RPH3A: variants seen among roughly 807,000 people sequenced by gnomAD.
RPH3A encodes the protein rabphilin 3A, also known as rabphilin-3A.
A neutral mutation model predicts 102.2 loss-of-function variants in RPH3A; 48 were observed. That is an observed-to-expected ratio of 0.47 (90% confidence interval 0.37 to 0.60). The LOEUF is 0.60. Ranked by LOEUF, RPH3A falls within the 20% of genes least tolerant of loss-of-function variation. The pLI is 0.00. For missense variants in RPH3A, 781 were observed against 910.1 expected (o/e 0.86, Z 1.83); for synonymous variants, 310 against 324.3 (o/e 0.96, Z 0.47).
intron 5 of RPH3A, among the ~76,000 whole-genome samples, chr12:112,852,772 A>C (rs2042344042): frequency 6.6e-6 from 1 of 152,176 alleles, no homozygotes; most frequent in African/African-American, 2.4e-5. Context: ...AGAATGTATT[A>C]AGTTTGGAAT....
intron 2 of RPH3A, among the ~76,000 whole-genome samples, chr12:112,809,113 T>C (rs2041522946): frequency 6.6e-6 from 1 of 152,274 alleles, no homozygotes; most frequent in East Asian, 1.9e-4. Flanking sequence ...AGCTCACAGA[T>C]CCTCAATGTT....
chr12:112,869,374 A>C (rs1484127892), intron 8 of RPH3A: 1 of 188,026 alleles, frequency 5.3e-6, no homozygotes, highest in Non-Finnish European at 1.1e-5. Flanking sequence ...GCATTCAACA[A>C]ATGTTTTCTT....
chr12:112,833,794 A>G (rs1248058815), intron 3 of RPH3A, among the ~76,000 whole-genome samples: 1 of 151,930 alleles, frequency 6.6e-6, no homozygotes, highest in African/African-American at 2.4e-5. Context: ...CAATAGCACA[A>G]CCATAGCTCA....
chr12:112,875,744 A>G lies in RPH3A; in HGVS notation c.946+3A>G, dbSNP rs2042787194. On this transcript the variant is annotated splice_donor_region_variant and intron_variant, in intron 12 of 21. Transcript: ENST00000389385. ...ACGCTTTCCAGATCAGAAGCCAGGC[A>G]AGTATCTGCTTCCTCCCATGCCTGC... The G allele has an allele frequency of 1.9e-6, 3 of 1,613,532 alleles. No individual in the cohort carries two copies. Among genetic ancestry groups the G allele is most frequent in the Admixed American group, 1.7e-5 (1 of 59,970 alleles).
At chr12:112,782,074 T>C (rs1044429971) in intron 1 of RPH3A, among the ~76,000 whole-genome samples, 3 of 152,208 alleles carry the variant, frequency 2.0e-5, no homozygotes, top group East Asian at 1.9e-4. Flanking sequence ...TCCAACCATA[T>C]TGGGAGCAGT....
chr12:112,892,036 A>G (rs2043105668), intron 19 of RPH3A, among the ~76,000 whole-genome samples: 1 of 152,226 alleles, frequency 6.6e-6, no homozygotes, highest in Admixed American at 6.5e-5. Flanking sequence ...TTAAGGCTCA[A>G]ATGAGATAGC....
At chr12:112,655,735 A>T (rs986673101) in intron 1 of RPH3A, among the ~76,000 whole-genome samples, 6 of 151,546 alleles carry the variant, frequency 4.0e-5, no homozygotes, top group Admixed American at 1.3e-4. Context: ...CATGCTTGGC[A>T]AATTTTTTTG....
intron 1 of RPH3A, among the ~76,000 whole-genome samples, chr12:112,766,608 A>T (rs1231054607): frequency 6.6e-6 from 1 of 152,174 alleles, no homozygotes; most frequent in African/African-American, 2.4e-5. Flanking sequence ...GCCACTCTAG[A>T]TACTACAGTC....
intron 1 of RPH3A, among the ~76,000 whole-genome samples, chr12:112,727,390 C>CAA (rs3037265): frequency 1.7e-5 from 2 of 119,058 alleles, no homozygotes; most frequent in African/African-American, 6.5e-5. Flanking sequence ...GACTCTGCCT[C>CAA]AAAAAAAAAA....
At chr12:112,653,905 C>CT (rs915478419) in intron 1 of RPH3A, among the ~76,000 whole-genome samples, 4 of 152,056 alleles carry the variant, frequency 2.6e-5, no homozygotes, top group African/African-American at 7.2e-5. Context: ...ACTTTTTAAA[C>CT]TTTTTTTTGT....
At chr12:112,725,692 C>T (rs2040583589) in intron 1 of RPH3A, among the ~76,000 whole-genome samples, 2 of 152,178 alleles carry the variant, frequency 1.3e-5, no homozygotes, top group African/African-American at 2.4e-5. Context: ...GTGATCAGAT[C>T]GGAGCTACCT....
At chr12:112,883,939 C>T (rs2136251409) in intron 16 of RPH3A, among the ~76,000 whole-genome samples, 1 of 152,110 alleles carries the variant, frequency 6.6e-6, no homozygotes, top group East Asian at 1.9e-4. Flanking sequence ...TAGTTTGGGG[C>T]TATTACAAAT....
intron 2 of RPH3A, among the ~76,000 whole-genome samples, chr12:112,823,473 TG>T (rs772222784): frequency 4.6e-5 from 7 of 152,168 alleles, no homozygotes; most frequent in Admixed American, 1.3e-4. Context: ...CTCAGAAAAT[TG>T]TAAGTCATCA....
rs1408982481 is a variant in RPH3A at position 112,579,939 on chromosome 12, C to T, written c.-140+4620C>T. Among the ~76,000 whole-genome samples the T allele has an allele frequency of 2.6e-5, 4 of 152,218 alleles. No homozygotes were observed. In the East Asian group the frequency reaches 7.7e-4, roughly 29 times the overall value. On this transcript the variant is annotated intron_variant, in intron 1 of 21. Coordinates refer to the RPH3A transcript ENST00000543106. ...TCCCCCATCTTCATATTTCTAATCT[C>T]GATTTTGACATATTTCCAGTTATTT... is the stretch of plus-strand genomic sequence containing the variant.
At chr12:112,850,988 A>G (rs1193363277) in intron 5 of RPH3A, 2 of 152,218 alleles carry the variant, frequency 1.3e-5, no homozygotes, top group Admixed American at 6.5e-5. Flanking sequence ...GAAATCGCCA[A>G]TGTAGCTGTG....
At chr12:112,710,434 G>T (rs777547559) in intron 1 of RPH3A, among the ~76,000 whole-genome samples, 5 of 152,180 alleles carry the variant, frequency 3.3e-5, no homozygotes, top group Non-Finnish European at 7.3e-5. Context: ...CTTTCAGGAG[G>T]AGAGAAGTCA....
At chr12:112,607,703 G>A (rs564271784) in intron 1 of RPH3A, among the ~76,000 whole-genome samples, 29 of 152,186 alleles carry the variant, frequency 1.9e-4, no homozygotes, top group Middle Eastern at 3.2e-3. Flanking sequence ...ATAAATAAAC[G>A]ATTTCTTGAG....
rs549739012 is a variant in RPH3A at position 112,765,670 on chromosome 12, C to T, written c.-139-26473C>T. On this transcript the variant is annotated intron_variant, in intron 1 of 21. Transcript: ENST00000543106. ...TGCATGTAAAATGTTCAATGTACTG[C>T]TTCATGCAATTTTCCATATAAACCT... is the stretch of plus-strand genomic sequence containing the variant. Among the ~76,000 whole-genome samples the T allele has an allele frequency of 9.2e-5, 14 of 152,322 alleles. No homozygotes were observed. The South Asian group carries it at 2.9e-3, about 32-fold the overall frequency.
At chr12:112,819,285 C>A (rs999632979) in intron 2 of RPH3A, among the ~76,000 whole-genome samples, 3 of 151,734 alleles carry the variant, frequency 2.0e-5, no homozygotes, top group Non-Finnish European at 4.4e-5. Flanking sequence ...TTTTTGTATT[C>A]TTAGTAGAGA....
Sources: gnomAD v4.1 joint callset for allele counts (sites outside exome capture counted in the v4.1 genomes callset) on GRCh38, gnomAD v4.1.1 for gene constraint, MANE v1.5 for transcripts, NCBI Gene and HGNC (gene_info 2026-07-23, HGNC 2026-07-21) for gene names.